The following STARD5 variants were observed in gnomAD, a reference collection of about 807,000 sequenced individuals.
The protein encoded by STARD5 is StAR related lipid transfer domain containing 5.
A neutral mutation model predicts 24.6 loss-of-function variants in STARD5; 26 were observed. That is an observed-to-expected ratio of 1.06 (90% CI 0.77 to 1.47). The LOEUF (loss-of-function observed/expected upper bound fraction) is 1.47. STARD5 is among the 40% of genes most tolerant of loss of function. The pLI, the probability that STARD5 is intolerant of heterozygous loss-of-function variation, is 0.00. For missense variants in STARD5, 254 were observed against 270.8 expected, an observed-to-expected ratio of 0.94 and a Z score of 0.44; for synonymous variants, 101 against 99.7, an observed-to-expected ratio of 1.01 and a Z score of -0.07.
intron 4 of STARD5, among the ~76,000 whole-genome samples, 166 bp from the exon 5 acceptor site, chr15:81,318,668 A>T (rs921339808): frequency 6.6e-6 from 1 of 152,156 alleles, no homozygotes; most frequent in Admixed American, 6.5e-5. Flanking sequence ...ACTGCCCCTT[A>T]CACTCACACA....
chr15:81,323,471 C>T (rs570806661), intron 1 of STARD5: 3 of 406,560 alleles, frequency 7.4e-6, no homozygotes, highest in East Asian at 5.6e-5. Flanking sequence ...GGGGTTCATG[C>T]TGTAATGAAA....
At chr15:81,319,273 G>T in intron 4 of STARD5, 66 bp downstream of exon 4, 9 of 1,369,002 alleles carry the variant, frequency 6.6e-6, no homozygotes, top group South Asian at 1.2e-5. Flanking sequence ...TTAAGGAACT[G>T]TGGGGTGCAG....
rs932122970 is a variant in STARD5 at position 81,313,473 on chromosome 15, G to A, written c.495-70C>T. 83 of 1,406,702 alleles carry A rather than the reference G, an allele frequency of 5.9e-5. 1 individual carries two copies. In the African/African-American group the frequency reaches 1.0e-3, roughly 18 times the overall value. The allele number at this position is 1,406,702 out of a possible 1,614,324, so 87.1% of individuals were successfully genotyped here. ...TGCTGGGGACGAGCGCCAGGCAGGT[G>A]AGCAGAGCCCAGCCCAGTGGAAATG... is the stretch of plus-strand genomic sequence containing the variant. On this transcript the variant is annotated intron_variant, in intron 5 of 5. Coordinates refer to ENST00000302824, the MANE Select transcript of STARD5 (RefSeq NM_181900.3).
At position 81,310,555 on chromosome 15, in the gene STARD5, T is replaced by A. The variant is rs1900796347; in HGVS notation, c.*2701A>T. 6.6e-6 allele frequency: 1 copy of A among 152,186 alleles called. No individual in the cohort carries two copies. The highest frequency in any genetic ancestry group is 2.4e-5 in the African/African-American group (1 of 41,444). The allele number at this position is 152,186 out of a possible 1,614,324, so 9.4% of individuals were successfully genotyped here. ...TTAGACTTAATAGAAACATTGAAGA[T>A]GAACATAATCTACCAACGAAAGACG... On this transcript the variant is annotated 3_prime_UTR_variant, in exon 6 of 6. Transcript: ENST00000302824.
intron 5 of STARD5, among the ~76,000 whole-genome samples, chr15:81,316,348 C>T (rs1024405528): frequency 3.9e-5 from 6 of 152,184 alleles, no homozygotes; most frequent in African/African-American, 9.7e-5. Context: ...CTCCTCCTGC[C>T]TTCATTGGAA....
At chr15:81,323,864 A>G (rs747450939) in intron 1 of STARD5, 137 bp downstream of exon 1, 2 of 881,124 alleles carry the variant, frequency 2.3e-6, no homozygotes, top group African/African-American at 1.7e-5. Context: ...AACAATCCCC[A>G]TTGGAATCCC....
At chr15:81,318,566 G>T in intron 4 of STARD5, 64 bp from the exon 5 acceptor site, 1 of 1,439,856 alleles carries the variant, frequency 6.9e-7, no homozygotes, top group Non-Finnish European at 9.7e-7. Context: ...TGCCATTGGG[G>T]TGCCATAGAG....
At chr15:81,318,318 CGTA>C in intron 5 of STARD5, 88 bp downstream of exon 5, 2 of 1,047,688 alleles carry the variant, frequency 1.9e-6, no homozygotes, top group Non-Finnish European at 3.0e-6. Context: ...TCTTTTGAAT[CGTA>C]GTCAAAGTGC....
At position 81,319,378 on chromosome 15, in the gene STARD5, G is replaced by A; in HGVS notation, c.361C>T (p.Leu121=). ...ISPRDFVDLV[L]VKRYEDGTIS... Reference sequence around the variant, plus strand: ...GTCCCATCCTCATATCTCTTGACTAGCACCAAGTCCACAAAATCTCTGGGA... The same window carrying A: ...GTCCCATCCTCATATCTCTTGACTAACACCAAGTCCACAAAATCTCTGGGA... The change falls in exon 4 of 6, where the codon CTA becomes TTA. Residue 121 remains leucine, a synonymous_variant. Coordinates refer to ENST00000302824, the MANE Select transcript of STARD5 (RefSeq NM_181900.3). 1 of 1,614,204 alleles carries A rather than the reference G, an allele frequency of 6.2e-7. No individual in the cohort carries two copies. The highest frequency in any genetic ancestry group is 8.5e-7 in the Non-Finnish European group (1 of 1,180,028).
At chr15:81,314,285 G>A (rs531676753) in intron 5 of STARD5, among the ~76,000 whole-genome samples, 2 of 152,270 alleles carry the variant, frequency 1.3e-5, no homozygotes, top group East Asian at 3.9e-4. Context: ...TTGGCCAAGG[G>A]GTGGCAGAAG....
Position 81,309,870 on chromosome 15 carries a change from A to T in STARD5, c.*3386T>A, listed in dbSNP as rs1260041944. ...ATGGTTCTGTGCCAATGTATTGATA[A>T]GAGGGCACACACTGTGTACAGTAAA... On this transcript the variant is annotated 3_prime_UTR_variant, in exon 6 of 6. Coordinates refer to ENST00000302824, the MANE Select transcript of STARD5 (RefSeq NM_181900.3). 6.6e-6 allele frequency: 1 copy of T among 152,256 alleles called. No individual in the cohort carries two copies. The highest frequency in any genetic ancestry group is 1.5e-5 in the Non-Finnish European group (1 of 68,054). 9.4% of individuals were successfully genotyped at this position (152,256 alleles called of 1,614,324 possible).
In STARD5 at chr15:81,313,109, G is replaced by T. The variant is rs1900950161; in HGVS notation, c.*147C>A. 1.0e-6 allele frequency: 1 copy of T among 983,722 alleles called. No individual in the cohort carries two copies. The highest frequency in any genetic ancestry group is 2.4e-5 in the South Asian group (1 of 40,872). 60.9% of individuals were successfully genotyped at this position (983,722 alleles called of 1,614,324 possible). On this transcript the variant is annotated 3_prime_UTR_variant, in exon 6 of 6. Coordinates refer to ENST00000302824, the MANE Select transcript of STARD5 (RefSeq NM_181900.3). ...GCAGGAAGGGTGGGCTGCCGCCTCT[G>T]GTTGGCATTCTCAGAGATGCGCAGT...
chr15:81,309,681 T>G lies in STARD5; in HGVS notation c.*3575A>C, dbSNP rs1900753357. On this transcript the variant is annotated 3_prime_UTR_variant, in exon 6 of 6. Transcript: ENST00000302824. ...GAGCCAGTAAACAGAGGAGTACAGG[T>G]GAAGCACCAAGCTCAAAGCGTGGAC... 1 of 152,172 alleles carries G rather than the reference T, an allele frequency of 6.6e-6. No individual in the cohort carries two copies. The highest frequency in any genetic ancestry group is 1.9e-4 in the East Asian group (1 of 5,184). 9.4% of individuals were successfully genotyped at this position (152,172 alleles called of 1,614,324 possible).
chr15:81,315,395 T>C (rs1278108487), intron 5 of STARD5, among the ~76,000 whole-genome samples: 1 of 152,074 alleles, frequency 6.6e-6, no homozygotes, highest in Non-Finnish European at 1.5e-5. Context: ...AGCTCTTGCA[T>C]GTACACCATT....
intron 4 of STARD5, 120 bp from the exon 5 acceptor site, chr15:81,318,622 C>T: frequency 1.2e-6 from 1 of 846,320 alleles, no homozygotes. Flanking sequence ...TGAGGGACTC[C>T]TGCCTCTTGG....
chr15:81,322,332 T>C, intron 3 of STARD5, 76 bp downstream of exon 3: 1 of 1,587,162 alleles, frequency 6.3e-7, no homozygotes, highest in Non-Finnish European at 8.6e-7. Flanking sequence ...ACGGACCCCT[T>C]CCAGAAGAAA....
At chr15:81,321,596 G>T (rs1893293293) in intron 3 of STARD5, among the ~76,000 whole-genome samples, 1 of 131,564 alleles carries the variant, frequency 7.6e-6, no homozygotes, top group African/African-American at 3.2e-5. Flanking sequence ...GCGACAGAGT[G>T]AGATTCCGTC....
intron 3 of STARD5, among the ~76,000 whole-genome samples, chr15:81,321,664 C>A (rs1296569190): frequency 6.7e-6 from 1 of 150,220 alleles, no homozygotes; most frequent in Non-Finnish European, 1.5e-5. Context: ...AAAAAAACTT[C>A]TATTTCTATG....
chr15:81,314,794 G>A (rs556459397), intron 5 of STARD5, among the ~76,000 whole-genome samples: 2 of 149,224 alleles, frequency 1.3e-5, no homozygotes, highest in African/African-American at 4.9e-5. Context: ...GCTGAGGCAG[G>A]AGAATCGCTT....
Sources: allele counts gnomAD v4.1 joint callset (sites outside exome capture counted in the v4.1 genomes callset), GRCh38; gene constraint gnomAD v4.1.1; transcripts MANE v1.5; gene names NCBI Gene and HGNC (gene_info 2026-07-23, HGNC 2026-07-21).